The following SULF1 variants were observed in gnomAD, a reference collection of about 807,000 sequenced individuals.
The protein encoded by SULF1 is sulfatase 1, also known as extracellular sulfatase Sulf-1.
SULF1 carries 46 observed loss-of-function variants against 110.5 expected under a neutral mutation model. That is an observed-to-expected ratio of 0.42 (90% CI 0.33 to 0.53). The LOEUF is 0.53. SULF1 is among the 20% of genes least tolerant of loss of function. The pLI, the probability that SULF1 is intolerant of heterozygous loss-of-function variation, is 0.12. For synonymous variants in SULF1, 371 were observed against 387.1 expected, an observed-to-expected ratio of 0.96 and a Z score of 0.49; for missense variants, 941 against 1,094.2, an observed-to-expected ratio of 0.86 and a Z score of 1.98.
chr8:69,603,683 T>TG (rs1444554738), intron 12 of SULF1, 27 bp downstream of exon 12: 1 of 1,532,720 alleles, frequency 6.5e-7, no homozygotes, highest in African/African-American at 1.4e-5. Flanking sequence ...GGGGTGCTTC[T>TG]GGGAACCAGT....
chr8:69,578,549 C>CA (rs1471745350), intron 6 of SULF1, among the ~76,000 whole-genome samples: 1 of 136,394 alleles, frequency 7.3e-6, no homozygotes, highest in Non-Finnish European at 1.5e-5. Context: ...GAAGAGCCGG[C>CA]ACCGGGACCT....
At chr8:69,578,433 G>A (rs984539421) in intron 6 of SULF1, among the ~76,000 whole-genome samples, 13 of 151,526 alleles carry the variant, frequency 8.6e-5, no homozygotes, top group Middle Eastern at 3.4e-3. Flanking sequence ...TACATGTGCC[G>A]TGCTGGTGTG....
chr8:69,590,672 T>C (rs116337650), intron 8 of SULF1, among the ~76,000 whole-genome samples: 2,101 of 152,278 alleles, frequency 0.014, 49 homozygotes, highest in African/African-American at 0.046. Flanking sequence ...AGTGTTTTAA[T>C]GCATAAAATA....
Position 69,624,086 on chromosome 8 carries a change from G to T in SULF1, c.1739G>T (p.Gly580Val). ...AACATTGCTAAGCGTCATGATGAAG[G>T]CCACAAGGGGCCAAGAGATCTCCAG... is the stretch of plus-strand genomic sequence containing the variant. The part of the protein sequence containing the change: ...PRNIAKRHDE[G>V]HKGPRDLQAS... Residue 580 changes from glycine (G) to valine (V), a missense_variant, in exon 15 of 23, where the codon GGC (glycine) becomes GTC (valine). By Grantham distance (109) the Gly-to-Val change is moderately radical (BLOSUM62 -3). Transcript: ENST00000402687. 2.5e-6 allele frequency: 4 copies of T among 1,614,090 alleles called. No homozygotes were observed. Among genetic ancestry groups the T allele is most frequent in the Non-Finnish European group, 3.4e-6 (4 of 1,180,020 alleles).
intron 3 of SULF1, among the ~76,000 whole-genome samples, chr8:69,547,636 C>T (rs529062763): frequency 9.9e-5 from 15 of 152,278 alleles, no homozygotes; most frequent in Admixed American, 9.2e-4. Context: ...ACACACACCC[C>T]AGGAAGCCCT....
chr8:69,522,497 T>C (rs1001103123), intron 3 of SULF1, among the ~76,000 whole-genome samples: 1 of 152,218 alleles, frequency 6.6e-6, no homozygotes, highest in African/African-American at 2.4e-5. Flanking sequence ...GACCTTCCAG[T>C]GGAAATATCA....
intron 8 of SULF1, chr8:69,592,848 T>A: frequency 1.1e-6 from 1 of 871,152 alleles, no homozygotes; most frequent in Non-Finnish European, 1.4e-6. Context: ...TTGTCCATTG[T>A]GACATGACAG....
At chr8:69,491,551 G>A (rs1419919774), upstream of SULF1, among the ~76,000 whole-genome samples, 1 of 152,222 alleles carries the variant, frequency 6.6e-6, no homozygotes, top group Non-Finnish European at 1.5e-5. Flanking sequence ...AAAGTAAGCT[G>A]ACTTGAGTAA....
At chr8:69,640,252 C>G (rs1189600207) in intron 21 of SULF1, among the ~76,000 whole-genome samples, 1 of 152,152 alleles carries the variant, frequency 6.6e-6, no homozygotes, top group Non-Finnish European at 1.5e-5. Context: ...ATTAGAGGCA[C>G]TAGAAATATT....
At position 69,639,907 on chromosome 8, in the gene SULF1, T is replaced by C. The variant is rs574752519; in HGVS notation, c.2552-901T>C. ...GAGTCCCCTAAGAAAATATAAATCC[T>C]CAGTTCTCAATCAACACCTCTCAAT... On this transcript the variant is annotated intron_variant, in intron 21 of 22. Coordinates refer to ENST00000402687, the MANE Select transcript of SULF1 (RefSeq NM_001128205.2). 2.0e-5 allele frequency among the ~76,000 whole-genome samples: 3 copies of C among 152,176 alleles called. No individual in the cohort carries two copies. The South Asian group carries it at 6.2e-4, about 32-fold the overall frequency.
intron 3 of SULF1, among the ~76,000 whole-genome samples, chr8:69,519,349 T>C (rs1180116832): frequency 1.3e-5 from 2 of 152,216 alleles, no homozygotes; most frequent in East Asian, 1.9e-4. Context: ...TAATTGACCA[T>C]TGTTAAACCA....
intron 5 of SULF1, among the ~76,000 whole-genome samples, chr8:69,564,827 C>T (rs752212293): frequency 6.6e-6 from 1 of 152,220 alleles, no homozygotes; most frequent in African/African-American, 2.4e-5. Context: ...GTTCATAAGC[C>T]AAGGGCCAAT....
chr8:69,590,981 C>G (rs900114465), intron 8 of SULF1, among the ~76,000 whole-genome samples: 6 of 152,158 alleles, frequency 3.9e-5, no homozygotes, highest in African/African-American at 2.4e-5. Context: ...CTTTACCTAT[C>G]TTTGTTGCAT....
At chr8:69,553,399 G>GA (rs1814868290) in intron 3 of SULF1, among the ~76,000 whole-genome samples, 1 of 152,180 alleles carries the variant, frequency 6.6e-6, no homozygotes, top group Non-Finnish European at 1.5e-5. Context: ...ACAAAGATCA[G>GA]AGAGAACCAG....
intron 5 of SULF1, among the ~76,000 whole-genome samples, chr8:69,567,970 T>C (rs892586581): frequency 6.6e-6 from 1 of 152,238 alleles, no homozygotes; most frequent in African/African-American, 2.4e-5. Context: ...ACAAGTGTCA[T>C]AATTTTTCCA....
chr8:69,523,476 C>G (rs911250358), intron 3 of SULF1, among the ~76,000 whole-genome samples: 4 of 152,100 alleles, frequency 2.6e-5, no homozygotes, highest in African/African-American at 9.7e-5. Context: ...GTTCATGGCA[C>G]TGAACATAAC....
chr8:69,512,006 A>G (rs948067254), intron 3 of SULF1, among the ~76,000 whole-genome samples: 1 of 152,192 alleles, frequency 6.6e-6, no homozygotes, highest in Non-Finnish European at 1.5e-5. Flanking sequence ...CTAGAGAATG[A>G]TGAAAAAAAG....
intron 19 of SULF1, among the ~76,000 whole-genome samples, chr8:69,637,088 A>G (rs942329814): frequency 3.9e-5 from 6 of 152,164 alleles, no homozygotes; most frequent in Non-Finnish European, 8.8e-5. Context: ...AAACGACAAT[A>G]TTTTTTATTT....
chr8:69,469,106 A>G (rs1011262696), intron 1 of SULF1: 2 of 152,250 alleles, frequency 1.3e-5, no homozygotes, highest in Admixed American at 6.5e-5. Context: ...TCGTGAACTG[A>G]AAGGGCTTGC....
Sources: gnomAD v4.1 joint callset for allele counts (sites outside exome capture counted in the v4.1 genomes callset) on GRCh38, gnomAD v4.1.1 for gene constraint, MANE v1.5 for transcripts, NCBI Gene and HGNC (gene_info 2026-07-23, HGNC 2026-07-21) for gene names.